The following RPS29 variants were observed in gnomAD, a reference collection of about 807,000 sequenced individuals.
RPS29 encodes the protein small ribosomal subunit protein uS14.
For missense variants in RPS29, 60 were observed against 75.7 expected, an observed-to-expected ratio of 0.79 and a Z score of 0.77; for synonymous variants, 37 against 26.9, an observed-to-expected ratio of 1.37 and a Z score of -1.16.
chr14:49,575,811 C>T (rs1263391799), exon 3 of RPS29: 1 of 152,144 alleles, frequency 6.6e-6, no homozygotes, highest in Non-Finnish European at 1.5e-5. Context: ...GTTTGTGCCA[C>T]TGAATGCCAG....
upstream of RPS29, among the ~76,000 whole-genome samples, chr14:49,591,287 C>CTGTTTGTTTGTTTGTT (rs61069057): frequency 8.6e-5 from 13 of 150,516 alleles, no homozygotes; most frequent in Admixed American, 2.0e-4. Flanking sequence ...TAGAGGTTTT[C>CTGTTTGTTTGTTTGTT]TGTTTGTTTG....
exon 3 of RPS29, chr14:49,575,622 G>A (rs1881159213): frequency 6.6e-6 from 1 of 152,200 alleles, no homozygotes; most frequent in South Asian, 2.1e-4. Context: ...TAGGAAGGGA[G>A]GATTGCATGA....
In RPS29 at chr14:49,583,729, A is replaced by T. The variant is rs1881414661; in HGVS notation, c.163-54T>A. The T allele has an allele frequency of 2.7e-6, 3 of 1,113,712 alleles. No individual in the cohort carries two copies. In the East Asian group the frequency reaches 7.1e-5, roughly 26 times the overall value. 69.0% of individuals were successfully genotyped at this position (1,113,712 alleles called of 1,614,324 possible). A position where few individuals can be genotyped will look rare whatever the true frequency, so the allele number is the denominator to read the frequency against. On this transcript the variant is annotated intron_variant, in intron 2 of 2. Transcript: ENST00000245458. ...TCAAAATGCTTTAAATCTCTACTTG[A>T]TTCTCACAAAAAAAAGGCTCATTAT...
chr14:49,582,237 T>C (rs544294454), downstream of RPS29, among the ~76,000 whole-genome samples: 2 of 152,268 alleles, frequency 1.3e-5, no homozygotes, highest in African/African-American at 4.8e-5. Context: ...CAGACTAACC[T>C]GGACAGCATA....
At position 49,595,557 on chromosome 14, in the gene RPS29, T is replaced by C. The variant is rs113447044; in HGVS notation, c.-133+2843A>G. Reference sequence around the variant, plus strand: ...AGGAGTTTGAGGTTGCAGTGAGCTATGAATGTTGCCACTGCACTCCAGCCT... The same window carrying C: ...AGGAGTTTGAGGTTGCAGTGAGCTACGAATGTTGCCACTGCACTCCAGCCT... On this transcript the variant is annotated intron_variant, in intron 1 of 3. Transcript: ENST00000556230. Among the ~76,000 whole-genome samples, 252 of 151,578 alleles carry C rather than the reference T, an allele frequency of 1.7e-3. 1 individual carries two copies. Among genetic ancestry groups the C allele is most frequent in the African/African-American group, 5.8e-3 (238 of 41,274 alleles).
intron 2 of RPS29, chr14:49,585,509 G>A: frequency 4.5e-6 from 1 of 224,286 alleles, no homozygotes; most frequent in Non-Finnish European, 8.6e-6. Context: ...GAGACCAGGA[G>A]GAGTTCGAGG....
exon 3 of RPS29, chr14:49,575,012 T>C (rs1444075985): frequency 6.6e-6 from 1 of 152,414 alleles, no homozygotes; most frequent in African/African-American, 2.4e-5. Flanking sequence ...TCAGTGGTTC[T>C]CAAACTATAC....
upstream of RPS29, among the ~76,000 whole-genome samples, chr14:49,587,309 A>G (rs537896395): frequency 1.3e-5 from 2 of 152,354 alleles, no homozygotes; most frequent in African/African-American, 4.8e-5. Flanking sequence ...TGAAAAGCAA[A>G]TGCAAAAATG....
In RPS29 at chr14:49,577,629, G is replaced by C. The variant is rs117498914; in HGVS notation, c.*183C>G. ...TCTTTTTGTTTCTCCCATAACCAAT[G>C]TTGGGCATAGATCTGGCCCTCAAAC... On this transcript the variant is annotated 3_prime_UTR_variant, in exon 3 of 3. Transcript: ENST00000396020. 540 of 711,296 alleles carry C rather than the reference G, an allele frequency of 7.6e-4. 2 individuals are homozygous for C. In the East Asian group the frequency reaches 0.013, roughly 17 times the overall value. 44.1% of individuals were successfully genotyped at this position (711,296 alleles called of 1,614,324 possible). A position where few individuals can be genotyped will look rare whatever the true frequency, so the allele number is the denominator to read the frequency against.
downstream of RPS29, among the ~76,000 whole-genome samples, chr14:49,582,794 T>G (rs1881379178): frequency 6.6e-6 from 1 of 152,176 alleles, no homozygotes; most frequent in South Asian, 2.1e-4. Context: ...TCACCTACCT[T>G]CATTTATTCC....
chr14:49,586,496 A>C, upstream of RPS29: 2 of 699,046 alleles, frequency 2.9e-6, no homozygotes, highest in Non-Finnish European at 5.1e-6. Context: ...AGTAAAATGA[A>C]ATCTTAGAGG....
At chr14:49,596,517 A>C (rs756134208) in intron 1 of RPS29, among the ~76,000 whole-genome samples, 9 of 152,162 alleles carry the variant, frequency 5.9e-5, no homozygotes, top group Non-Finnish European at 1.2e-4. Context: ...TAAACCATTA[A>C]ATTTGGGTGG....
intron 2 of RPS29, among the ~76,000 whole-genome samples, chr14:49,584,339 C>G (rs1354732010): frequency 6.6e-6 from 1 of 152,226 alleles, no homozygotes; most frequent in Non-Finnish European, 1.5e-5. Flanking sequence ...GTATGATATA[C>G]TACCTCTCAA....
chr14:49,593,964 T>C (rs1881768724), intron 1 of RPS29, among the ~76,000 whole-genome samples: 3 of 152,238 alleles, frequency 2.0e-5, no homozygotes. Context: ...ACTTGAGTTC[T>C]AGTCCTGTTT....
Position 49,586,008 on chromosome 14 carries a change from C to G in RPS29, c.104G>C (p.Gly35Ala). The G allele has an allele frequency of 6.2e-7, 1 of 1,614,002 alleles. No individual in the cohort carries two copies. The highest frequency in any genetic ancestry group is 8.5e-7 in the Non-Finnish European group (1 of 1,179,868). ...GAAACACTGGCGGCACATATTGAGGCCATATTTCCGGATCAGACCGTGCCG... is the reference window on the plus strand; with the variant it reads ...GAAACACTGGCGGCACATATTGAGGGCATATTTCCGGATCAGACCGTGCCG... The part of the protein sequence containing the change: ...SNRHGLIRKY[G>A]LNMCRQCFRQ... The change falls in exon 2 of 3, where the codon GGC becomes GCC. Residue 35 changes from glycine (G) to alanine (A), a missense_variant. By Grantham distance (60) the Gly-to-Ala change is moderately conservative. Transcript: ENST00000245458.
At chr14:49,579,834 A>C (rs915955170), downstream of RPS29, among the ~76,000 whole-genome samples, 1 of 152,206 alleles carries the variant, frequency 6.6e-6, no homozygotes, top group Non-Finnish European at 1.5e-5. Context: ...GAATATTAAG[A>C]GCATAGGCAC....
chr14:49,596,915 CTTCT>C (rs926120504), intron 1 of RPS29, among the ~76,000 whole-genome samples: 6 of 139,876 alleles, frequency 4.3e-5, no homozygotes, highest in Non-Finnish European at 6.1e-5. Context: ...ATTTTTTCTT[CTTCT>C]TTTTTTTTTT....
downstream of RPS29, among the ~76,000 whole-genome samples, chr14:49,578,964 T>C (rs1035658686): frequency 6.6e-6 from 1 of 152,212 alleles, no homozygotes. Flanking sequence ...TTGGGAAAGT[T>C]ACTTATTCAT....
exon 3 of RPS29, chr14:49,571,791 G>C (rs1314649402): frequency 2.0e-5 from 3 of 152,136 alleles, no homozygotes; most frequent in African/African-American, 7.2e-5. Context: ...CGCCCTCCTA[G>C]ACCTTACTTT....
Sources: allele counts gnomAD v4.1 joint callset (sites outside exome capture counted in the v4.1 genomes callset), GRCh38; gene constraint gnomAD v4.1.1; transcripts MANE v1.5; gene names NCBI Gene and HGNC (gene_info 2026-07-23, HGNC 2026-07-21).